Variants in EPHA6 observed in about 807,000 individuals in gnomAD.
EPHA6 encodes EPH receptor A6.
EPHA6 carries 50 observed loss-of-function variants against 112.0 expected under a neutral mutation model. The observed-to-expected ratio is 0.45, with a 90% CI of 0.36 to 0.56. EPHA6 has a LOEUF of 0.56. Ranked by LOEUF, EPHA6 falls within the 20% of genes least tolerant of loss-of-function variation. The pLI is 0.00. For synonymous variants in EPHA6, 529 were observed against 490.7 expected (o/e 1.08, Z -1.03); for missense variants, 1,280 against 1,417.4 (o/e 0.90, Z 1.56).
At chr3:97,579,744 A>G (rs1331174594) in intron 11 of EPHA6, among the ~76,000 whole-genome samples, 1 of 152,240 alleles carries the variant, frequency 6.6e-6, no homozygotes, top group Non-Finnish European at 1.5e-5. Flanking sequence ...ACAAAAGAGC[A>G]TCACTATCCT....
At position 97,641,117 on chromosome 3, in the gene EPHA6, T is replaced by C. The variant is rs923296523; in HGVS notation, c.2784+3035T>C. Among the ~76,000 whole-genome samples the C allele has an allele frequency of 3.9e-5, 6 of 152,312 alleles. No homozygotes were observed. The East Asian group carries it at 1.2e-3, about 29-fold the overall frequency. Reference sequence around the variant, plus strand: ...CAAGACAGAGAATCCCTATTAGAGATGACCTGGCTAATGGTATTAGATTAC... The same window carrying C: ...CAAGACAGAGAATCCCTATTAGAGACGACCTGGCTAATGGTATTAGATTAC... On this transcript the variant is annotated intron_variant, in intron 14 of 17. Transcript: ENST00000389672.
chr3:96,822,749 AGTAAATTATGTGTTCTTTCAG>A (rs1302414894), intron 1 of EPHA6, among the ~76,000 whole-genome samples: 1 of 150,806 alleles, frequency 6.6e-6, no homozygotes, highest in Non-Finnish European at 1.5e-5. Flanking sequence ...CACTAATAAC[AGTAAATTATGTGTTCTTTCAG>A]GTGACTGTAC....
intron 6 of EPHA6, among the ~76,000 whole-genome samples, chr3:97,442,626 T>C (rs2090174589): frequency 6.6e-6 from 1 of 152,148 alleles, no homozygotes; most frequent in Admixed American, 6.5e-5. Context: ...GTATTAAATA[T>C]ACAGAAGTCT....
intron 5 of EPHA6, among the ~76,000 whole-genome samples, chr3:97,324,433 C>CTTTCTTTCTTTCTTTCTTTT (rs2082289573): frequency 6.9e-6 from 1 of 145,506 alleles, no homozygotes; most frequent in Admixed American, 6.9e-5. Flanking sequence ...TTCTTTCTTT[C>CTTTCTTTCTTTCTTTCTTTT]TTTCTTTCTT....
chr3:97,316,888 T>C (rs1296722219), intron 5 of EPHA6, among the ~76,000 whole-genome samples: 1 of 151,890 alleles, frequency 6.6e-6, no homozygotes, highest in Non-Finnish European at 1.5e-5. Context: ...AGCCCAGATG[T>C]TGTTAATTAG....
At chr3:96,943,085 A>G (rs2107693855) in intron 2 of EPHA6, among the ~76,000 whole-genome samples, 2 of 152,218 alleles carry the variant, frequency 1.3e-5, no homozygotes, top group South Asian at 2.1e-4. Flanking sequence ...TATGTGTGAG[A>G]TCATGCAATA....
Position 97,457,612 on chromosome 3 carries a change from A to C in EPHA6, c.1894+8882A>C, listed in dbSNP as rs1398841837. On this transcript the variant is annotated intron_variant, in intron 7 of 17. Transcript: ENST00000389672. ...TTGCATGGTGCCACTCTTCAATAAA[A>C]ATCATTTAAAATTATCTAATGTAAC... is the stretch of plus-strand genomic sequence containing the variant. Among the ~76,000 whole-genome samples, 4 of 152,194 alleles carry C rather than the reference A, an allele frequency of 2.6e-5. No individual in the cohort carries two copies. The East Asian group carries it at 7.7e-4, about 29-fold the overall frequency.
chr3:97,201,720 C>T (rs961562429), intron 3 of EPHA6, among the ~76,000 whole-genome samples: 1 of 152,074 alleles, frequency 6.6e-6, no homozygotes, highest in Non-Finnish European at 1.5e-5. Flanking sequence ...TCATACTGCA[C>T]TGCCTTAGTG....
intron 3 of EPHA6, among the ~76,000 whole-genome samples, chr3:97,020,733 G>C (rs2044428910): frequency 6.6e-6 from 1 of 152,018 alleles, no homozygotes; most frequent in African/African-American, 2.4e-5. Context: ...TTGCTAAAGG[G>C]GATCTCAAAA....
intron 3 of EPHA6, among the ~76,000 whole-genome samples, chr3:97,006,302 A>G (rs2043876232): frequency 6.6e-6 from 1 of 152,074 alleles, no homozygotes; most frequent in Admixed American, 6.5e-5. Context: ...AGAGCTTGTT[A>G]TTAGTCTATT....
chr3:97,196,199 A>T (rs2077437770), intron 3 of EPHA6, among the ~76,000 whole-genome samples: 1 of 148,616 alleles, frequency 6.7e-6, no homozygotes, highest in African/African-American at 2.5e-5. Context: ...TTTACTGTGT[A>T]TTTTCAAATA....
At chr3:97,408,740 C>A (rs1206846467) in intron 6 of EPHA6, among the ~76,000 whole-genome samples, 1 of 151,908 alleles carries the variant, frequency 6.6e-6, no homozygotes, top group African/African-American at 2.4e-5. Context: ...TAATTCCATT[C>A]ATGAGGGCTC....
intron 1 of EPHA6, among the ~76,000 whole-genome samples, chr3:96,820,890 A>G (rs539755147): frequency 2.4e-4 from 36 of 152,104 alleles, no homozygotes; most frequent in African/African-American, 8.4e-4. Flanking sequence ...GTTTTGGCTA[A>G]TAAGGAGCAA....
chr3:97,101,963 C>G (rs1401444577), intron 3 of EPHA6, among the ~76,000 whole-genome samples: 1 of 152,034 alleles, frequency 6.6e-6, no homozygotes, highest in Non-Finnish European at 1.5e-5. Flanking sequence ...AAACATCTCC[C>G]TGCTAGAACT....
Position 96,814,823 on chromosome 3 carries a change from A to G in EPHA6, c.200A>G (p.Lys67Arg), listed in dbSNP as rs1297032316. The change falls in exon 1 of 18, where the codon AAG becomes AGG. Residue 67 changes from lysine (K) to arginine (R), a missense_variant. Coordinates refer to ENST00000389672, the MANE Select transcript of EPHA6 (RefSeq NM_001080448.3). ...GAGGAGGAGGAAGAAGACGTGGACA[A>G]GGACCCCCATCCTACCCAGAACACC... Reference protein sequence around the residue: ...EEEEEEEDVDKDPHPTQNTCL... With the variant: ...EEEEEEEDVDRDPHPTQNTCL... 6.3e-7 allele frequency: 1 copy of G among 1,591,352 alleles called. No homozygotes were observed. The highest frequency in any genetic ancestry group is 1.1e-5 in the South Asian group (1 of 88,748).
chr3:97,086,712 A>T (rs1032007834), intron 3 of EPHA6, among the ~76,000 whole-genome samples: 4 of 152,114 alleles, frequency 2.6e-5, no homozygotes, highest in Non-Finnish European at 4.4e-5. Flanking sequence ...TAAAATAGAT[A>T]TTTACATAAC....
intron 2 of EPHA6, among the ~76,000 whole-genome samples, chr3:96,948,049 G>C (rs2041361276): frequency 6.6e-6 from 1 of 152,142 alleles, no homozygotes. Flanking sequence ...ATAATATTCT[G>C]TTGTGGATGT....
intron 2 of EPHA6, among the ~76,000 whole-genome samples, chr3:96,986,013 A>G (rs1314674978): frequency 6.6e-6 from 1 of 152,162 alleles, no homozygotes; most frequent in Non-Finnish European, 1.5e-5. Flanking sequence ...TGTTGTTTTC[A>G]GTATACTCTA....
At chr3:97,388,580 T>G (rs902489988) in intron 5 of EPHA6, among the ~76,000 whole-genome samples, 1 of 151,990 alleles carries the variant, frequency 6.6e-6, no homozygotes, top group African/African-American at 2.4e-5. Flanking sequence ...GATATGATAG[T>G]TTTGTGATAA....
Sources: allele counts gnomAD v4.1 joint callset (sites outside exome capture counted in the v4.1 genomes callset), GRCh38; gene constraint gnomAD v4.1.1; transcripts MANE v1.5; gene names NCBI Gene and HGNC (gene_info 2026-07-23, HGNC 2026-07-21).